The following KANSL1 variants were observed in gnomAD, a reference collection of about 807,000 sequenced individuals.
KANSL1 encodes the protein MLL1/MLL complex subunit KANSL1.
KANSL1 carries 22 observed loss-of-function variants against 103.6 expected under a neutral mutation model. That is an observed-to-expected ratio of 0.21 (90% CI 0.15 to 0.30). The LOEUF (loss-of-function observed/expected upper bound fraction) is 0.30, where lower values mean the gene tolerates loss of function less well. Ranked by LOEUF, KANSL1 falls within the 10% of genes least tolerant of loss-of-function variation. The probability of loss-of-function intolerance (pLI) is 1.00; values close to 1 mark genes in which losing one functional copy is unlikely to be tolerated. For missense variants in KANSL1, 1,337 were observed against 1,399.8 expected, an observed-to-expected ratio of 0.96 and a Z score of 0.72; for synonymous variants, 600 against 527.6, an observed-to-expected ratio of 1.14 and a Z score of -1.88.
At chr17:46,089,146 C>G (rs1475525750) in intron 3 of KANSL1, among the ~76,000 whole-genome samples, 3 of 152,186 alleles carry the variant, frequency 2.0e-5, no homozygotes, top group African/African-American at 7.2e-5. Flanking sequence ...ATATTGTTTT[C>G]GTTTCTCCTT....
At chr17:46,151,280 A>G (rs2045087381) in intron 2 of KANSL1, among the ~76,000 whole-genome samples, 1 of 152,240 alleles carries the variant, frequency 6.6e-6, no homozygotes, top group Non-Finnish European at 1.5e-5. Context: ...CCCCGGGCTT[A>G]CTGATGAAAA....
chr17:46,080,515 C>T (rs927014897), intron 4 of KANSL1, among the ~76,000 whole-genome samples: 3 of 151,470 alleles, frequency 2.0e-5, no homozygotes, highest in African/African-American at 7.3e-5. Flanking sequence ...AACAAAAAAA[C>T]CTGGGGAACA....
chr17:46,212,984 T>C (rs2048210122), intron 1 of KANSL1, among the ~76,000 whole-genome samples: 1 of 152,264 alleles, frequency 6.6e-6, no homozygotes, highest in Non-Finnish European at 1.5e-5. Flanking sequence ...TGAACTCTGA[T>C]CATGTTCTTT....
At chr17:46,072,467 G>C (rs1202736671) in intron 4 of KANSL1, among the ~76,000 whole-genome samples, 2 of 152,076 alleles carry the variant, frequency 1.3e-5, no homozygotes, top group Non-Finnish European at 2.9e-5. Flanking sequence ...TGGGTGACAG[G>C]AATTTAACTT....
chr17:46,112,232 A>G (rs2016034), intron 2 of KANSL1, among the ~76,000 whole-genome samples: 80,897 of 150,370 alleles, frequency 0.54, 21,990 homozygotes, highest in East Asian at 0.89. Flanking sequence ...GCCAGGCATG[A>G]TGGGGTGCAC....
intron 1 of KANSL1, among the ~76,000 whole-genome samples, chr17:46,181,314 G>C (rs1241889557): frequency 6.6e-6 from 1 of 152,164 alleles, no homozygotes; most frequent in Non-Finnish European, 1.5e-5. Flanking sequence ...GTCTAGCCCA[G>C]GTCCTCATCA....
chr17:46,140,521 A>G (rs2044366260), intron 2 of KANSL1, among the ~76,000 whole-genome samples: 1 of 148,064 alleles, frequency 6.8e-6, no homozygotes, highest in Non-Finnish European at 1.5e-5. Context: ...CACAAAAAGC[A>G]AAAGAAACAA....
chr17:46,204,236 C>G (rs1227648697), intron 1 of KANSL1, among the ~76,000 whole-genome samples: 1 of 152,148 alleles, frequency 6.6e-6, no homozygotes, highest in African/African-American at 2.4e-5. Context: ...TTGGGAGGAT[C>G]ACTTGAGGTC....
chr17:46,089,519 C>G (rs1214756954), intron 3 of KANSL1, among the ~76,000 whole-genome samples: 1 of 150,720 alleles, frequency 6.6e-6, no homozygotes, highest in African/African-American at 2.4e-5. Flanking sequence ...CAAATTATAA[C>G]TCAACAGCCT....
chr17:46,152,271 C>G (rs1053537882), intron 2 of KANSL1, among the ~76,000 whole-genome samples: 1 of 152,220 alleles, frequency 6.6e-6, no homozygotes, highest in East Asian at 1.9e-4. Context: ...TAAATACTAA[C>G]CTGACATTGA....
chr17:46,179,527 TA>T (rs2046682631), intron 1 of KANSL1, among the ~76,000 whole-genome samples: 1 of 152,236 alleles, frequency 6.6e-6, no homozygotes, highest in South Asian at 2.1e-4. Context: ...ATGTGGCTTC[TA>T]CTAACCTCTT....
At chr17:46,089,030 T>C (rs1392837379) in intron 3 of KANSL1, among the ~76,000 whole-genome samples, 6 of 152,262 alleles carry the variant, frequency 3.9e-5, no homozygotes, top group Non-Finnish European at 8.8e-5. Flanking sequence ...TAAAAAGTCC[T>C]GAGTTTAAAT....
chr17:46,119,319 T>C (rs2043180419), intron 2 of KANSL1, among the ~76,000 whole-genome samples: 1 of 61,098 alleles, frequency 1.6e-5, no homozygotes, highest in African/African-American at 4.6e-5. Flanking sequence ...TCAATTTTCT[T>C]TTTCTTTTTT....
intron 1 of KANSL1, among the ~76,000 whole-genome samples, chr17:46,185,557 C>A (rs189634175): frequency 6.2e-4 from 94 of 151,694 alleles, no homozygotes; most frequent in African/African-American, 2.2e-3. Flanking sequence ...CATAGGTACT[C>A]AAAGATGTAT....
chr17:46,150,444 A>C (rs1361656550), intron 2 of KANSL1, among the ~76,000 whole-genome samples: 1 of 152,230 alleles, frequency 6.6e-6, no homozygotes, highest in Non-Finnish European at 1.5e-5. Flanking sequence ...ACAGTGAATT[A>C]TATCTTAGAT....
At chr17:46,102,339 T>A (rs909260552) in intron 2 of KANSL1, among the ~76,000 whole-genome samples, 3 of 152,158 alleles carry the variant, frequency 2.0e-5, no homozygotes, top group African/African-American at 7.2e-5. Flanking sequence ...AACCTCTGCC[T>A]CTCGGGTTCA....
At chr17:46,180,669 A>C (rs1323170026) in intron 1 of KANSL1, among the ~76,000 whole-genome samples, 1 of 152,074 alleles carries the variant, frequency 6.6e-6, no homozygotes, top group Admixed American at 6.6e-5. Context: ...CAGGGCGACA[A>C]AGAGAGGCTC....
At chr17:46,176,075 T>C (rs546253971) in intron 1 of KANSL1, among the ~76,000 whole-genome samples, 14 of 152,216 alleles carry the variant, frequency 9.2e-5, no homozygotes, top group Non-Finnish European at 1.3e-4. Context: ...ATATGAGCAA[T>C]GCAAGGAGGC....
At chr17:46,106,893 CTA>C (rs1331927602) in intron 2 of KANSL1, among the ~76,000 whole-genome samples, 2 of 152,002 alleles carry the variant, frequency 1.3e-5, no homozygotes, top group Non-Finnish European at 2.9e-5. Flanking sequence ...GGTGTAGACT[CTA>C]TTCTTTCTCC....
Sources: allele counts gnomAD v4.1 joint callset (sites outside exome capture counted in the v4.1 genomes callset), GRCh38; gene constraint gnomAD v4.1.1; transcripts MANE v1.5; gene names NCBI Gene and HGNC (gene_info 2026-07-23, HGNC 2026-07-21).